Variants in GLIS1 observed in about 807,000 individuals in gnomAD.
GLIS1 encodes GLIS family zinc finger 1, also known as zinc finger protein GLIS1.
In GLIS1, 24 loss-of-function variants were observed where a neutral mutation model predicts 63.8. That is an observed-to-expected ratio of 0.38 (90% CI 0.27 to 0.53). The LOEUF is 0.53. Among genes scored for constraint, GLIS1 ranks in the 20% least tolerant of loss-of-function variants. The probability of loss-of-function intolerance (pLI) is 0.85; values close to 1 mark genes in which losing one functional copy is unlikely to be tolerated. For synonymous variants in GLIS1, 450 were observed against 482.5 expected (o/e 0.93, Z 0.88); for missense variants, 1,036 against 1,074.1 (o/e 0.96, Z 0.50).
At chr1:53,664,454 C>T (rs576844642) in intron 2 of GLIS1, among the ~76,000 whole-genome samples, 2 of 152,374 alleles carry the variant, frequency 1.3e-5, no homozygotes, top group African/African-American at 4.8e-5. Context: ...GAGCACTTGC[C>T]TCCAATGTCA....
chr1:53,565,820 AG>A, intron 4 of GLIS1, among the ~76,000 whole-genome samples: 1 of 152,120 alleles, frequency 6.6e-6, no homozygotes, highest in Non-Finnish European at 1.5e-5. Flanking sequence ...AGAAAAAAAA[AG>A]GGATACTCCC....
intron 2 of GLIS1, among the ~76,000 whole-genome samples, chr1:53,637,149 T>C (rs1645734441): frequency 6.6e-6 from 1 of 152,192 alleles, no homozygotes; most frequent in African/African-American, 2.4e-5. Flanking sequence ...GTGCCAGCCC[T>C]GGGCTGGTGG....
chr1:53,578,737 A>C (rs1645056388), intron 4 of GLIS1, among the ~76,000 whole-genome samples: 1 of 152,212 alleles, frequency 6.6e-6, no homozygotes, highest in Non-Finnish European at 1.5e-5. Context: ...TGTCAATTTA[A>C]CTGCACATAG....
intron 2 of GLIS1, among the ~76,000 whole-genome samples, chr1:53,711,406 GA>G (rs1646645242): frequency 1.3e-5 from 2 of 151,626 alleles, no homozygotes; most frequent in South Asian, 4.2e-4. Context: ...AAAAACAAAA[GA>G]AAAAAAGAAG....
chr1:53,629,098 A>T (rs1645625591), intron 2 of GLIS1, among the ~76,000 whole-genome samples: 1 of 152,116 alleles, frequency 6.6e-6, no homozygotes, highest in South Asian at 2.1e-4. Flanking sequence ...ATCCACACAC[A>T]GGGACACACA....
intron 8 of GLIS1, among the ~76,000 whole-genome samples, chr1:53,510,664 A>T (rs1475996414): frequency 2.0e-5 from 3 of 152,200 alleles, no homozygotes. Flanking sequence ...AGCAATATAG[A>T]CAAAGTGTGA....
intron 4 of GLIS1, among the ~76,000 whole-genome samples, chr1:53,557,528 C>T (rs536238425): frequency 9.9e-5 from 15 of 152,246 alleles, no homozygotes; most frequent in East Asian, 1.9e-4. Flanking sequence ...GTAGAAATGG[C>T]GGCAAGGGCA....
In GLIS1 at chr1:53,705,141, T is replaced by G. The variant is rs571158629; in HGVS notation, c.259+32665A>C. 5.3e-5 allele frequency among the ~76,000 whole-genome samples: 8 copies of G among 152,292 alleles called. No homozygotes were observed. The East Asian group carries it at 1.5e-3, about 29-fold the overall frequency. ...GAAGATCTGGCACATTCTAACTCAG[T>G]GTCGGGGCCCAGTTCAGAACTTCCA... On this transcript the variant is annotated intron_variant, in intron 2 of 10. Transcript: ENST00000628545.
intron 2 of GLIS1, among the ~76,000 whole-genome samples, chr1:53,668,918 C>T (rs889042933): frequency 6.6e-6 from 1 of 152,180 alleles, no homozygotes; most frequent in African/African-American, 2.4e-5. Flanking sequence ...AGGATCAGGT[C>T]TGGGTTCCTT....
rs552968864 is a variant in GLIS1 at position 53,564,148 on chromosome 1, C to T, written c.1320+29960G>A. On this transcript the variant is annotated intron_variant, in intron 4 of 10. Transcript: ENST00000628545. ...TAAAATGGTAATGCCCTCTAATGCA[C>T]GGGGTTGAAGAAAGGCCAGAACTAG... Among the ~76,000 whole-genome samples the T allele has an allele frequency of 1.2e-4, 18 of 152,154 alleles. No homozygotes were observed. In the East Asian group the frequency reaches 3.3e-3, roughly 28 times the overall value.
chr1:53,672,673 T>C (rs1172944870), intron 2 of GLIS1, among the ~76,000 whole-genome samples: 2 of 152,242 alleles, frequency 1.3e-5, no homozygotes, highest in Non-Finnish European at 2.9e-5. Flanking sequence ...GGCCTTGCAT[T>C]TGCAGGTCTC....
intron 2 of GLIS1, among the ~76,000 whole-genome samples, chr1:53,684,920 A>T (rs947171078): frequency 6.6e-6 from 1 of 151,664 alleles, no homozygotes; most frequent in African/African-American, 2.4e-5. Context: ...TGAGCTGGAA[A>T]CAGAGGACAC....
At chr1:53,530,048 C>T in intron 4 of GLIS1, 96 bp from the exon 5 acceptor site, 3 of 1,136,144 alleles carry the variant, frequency 2.6e-6, no homozygotes, top group South Asian at 1.5e-5. Context: ...CCCAGCACCC[C>T]TGCCCCTCCC....
Position 53,636,810 on chromosome 1 carries a change from C to T in GLIS1, c.260-36532G>A, listed in dbSNP as rs571458248. Among the ~76,000 whole-genome samples the T allele has an allele frequency of 5.3e-5, 8 of 152,352 alleles. No individual in the cohort carries two copies. In the South Asian group the frequency reaches 8.3e-4, roughly 16 times the overall value. ...GCACTCACCTGCATTTTCTGACTCA[C>T]GCCACTCTCCACCTGCGCTGTTTCT... On this transcript the variant is annotated intron_variant, in intron 2 of 10. Coordinates refer to ENST00000628545, the MANE Select transcript of GLIS1 (RefSeq NM_001367484.1).
intron 4 of GLIS1, among the ~76,000 whole-genome samples, chr1:53,562,001 G>A (rs1375156043): frequency 3.3e-5 from 5 of 152,198 alleles, no homozygotes; most frequent in African/African-American, 9.6e-5. Context: ...TGAACCCAGC[G>A]CAGCTCGGTT....
At chr1:53,667,226 C>T (rs937941551) in intron 2 of GLIS1, among the ~76,000 whole-genome samples, 1 of 152,238 alleles carries the variant, frequency 6.6e-6, no homozygotes, top group African/African-American at 2.4e-5. Flanking sequence ...ACGCCCACAA[C>T]GGCACTTAGT....
chr1:53,590,910 G>T (rs986647536), intron 4 of GLIS1, among the ~76,000 whole-genome samples: 1 of 152,196 alleles, frequency 6.6e-6, no homozygotes, highest in Admixed American at 6.5e-5. Context: ...GCACATTGAG[G>T]CCTGCCTGGT....
In GLIS1 at chr1:53,719,670, AAGTG is replaced by A. The variant is rs1231058280; in HGVS notation, c.259+18132_259+18135del. 3.9e-5 allele frequency among the ~76,000 whole-genome samples: 6 copies of A among 152,184 alleles called. No homozygotes were observed. In the South Asian group the frequency reaches 6.2e-4, roughly 16 times the overall value. On this transcript the variant is annotated intron_variant, in intron 2 of 10. Transcript: ENST00000628545. The stretch of plus-strand genomic sequence containing the variant: ...AGGAGGAAGGAGGGAGGGGTAGTGC[AAGTG>A]AGTAAGATGGGGGTGGAGTGGGAGT...
At chr1:53,725,829 G>A (rs1370753767) in intron 2 of GLIS1, among the ~76,000 whole-genome samples, 1 of 152,136 alleles carries the variant, frequency 6.6e-6, no homozygotes, top group African/African-American at 2.4e-5. Flanking sequence ...TTTAAAAGGG[G>A]GAACTGAGTC....
Sources: allele counts gnomAD v4.1 joint callset (sites outside exome capture counted in the v4.1 genomes callset), GRCh38; gene constraint gnomAD v4.1.1; transcripts MANE v1.5; gene names NCBI Gene and HGNC (gene_info 2026-07-23, HGNC 2026-07-21).